The following KCNN3 variants were observed in gnomAD, a reference collection of about 807,000 sequenced individuals.
The protein encoded by KCNN3 is potassium calcium-activated channel subfamily N member 3, also known as small conductance calcium-activated potassium channel protein 3.
A neutral mutation model predicts 62.9 loss-of-function variants in KCNN3; 16 were observed. The observed-to-expected ratio is 0.25, with a 90% CI of 0.17 to 0.39. The LOEUF (loss-of-function observed/expected upper bound fraction) is 0.39, where lower values mean the gene tolerates loss of function less well. KCNN3 is among the 10% of genes least tolerant of loss of function. The pLI is 1.00. For missense variants in KCNN3, 599 were observed against 949.4 expected (o/e 0.63, Z 4.85); for synonymous variants, 370 against 389.2 (o/e 0.95, Z 0.58).
At chr1:154,805,607 G>A (rs566048709) in intron 2 of KCNN3, among the ~76,000 whole-genome samples, 16 of 152,122 alleles carry the variant, frequency 1.1e-4, no homozygotes, top group East Asian at 1.9e-4. Context: ...CGCTGTGGTC[G>A]GCTGTTTGGG....
intron 1 of KCNN3, among the ~76,000 whole-genome samples, chr1:154,831,966 C>A (rs535473917): frequency 6.6e-6 from 1 of 152,192 alleles, no homozygotes; most frequent in South Asian, 2.1e-4. Flanking sequence ...GCTGCCTTGC[C>A]CCCATCATAC....
chr1:154,712,798 T>C (rs942258032), intron 7 of KCNN3, among the ~76,000 whole-genome samples: 1 of 152,180 alleles, frequency 6.6e-6, no homozygotes, highest in Non-Finnish European at 1.5e-5. Flanking sequence ...CTGGGTGATT[T>C]GCAAGAGGAG....
rs182565566 is a variant in KCNN3, at chr1:154,786,376, A to T, written c.1030-13983T>A. Among the ~76,000 whole-genome samples the T allele has an allele frequency of 3.8e-3, 577 of 152,368 alleles. 3 individuals are homozygous for T. The highest frequency in any genetic ancestry group is 0.012 in the African/African-American group (492 of 41,588). On this transcript the variant is annotated intron_variant, in intron 2 of 7. Transcript: ENST00000271915. The stretch of plus-strand genomic sequence containing the variant: ...AAAGAACTGCTTATTATAATTTTTT[A>T]AAAAACCCTGGAAACAACCTGAATA...
At chr1:154,868,193 G>A (rs2101941064) in intron 1 of KCNN3, 1 of 985,528 alleles carries the variant, frequency 1.0e-6, no homozygotes, top group Non-Finnish European at 1.2e-6. Context: ...CTGTCATCCC[G>A]TCCCAAGGAG....
chr1:154,747,781 C>T (rs1050857895), intron 3 of KCNN3, among the ~76,000 whole-genome samples: 3 of 152,190 alleles, frequency 2.0e-5, no homozygotes, highest in African/African-American at 2.4e-5. Flanking sequence ...GAAAAAGGCC[C>T]GTGCCTGCTC....
intron 3 of KCNN3, among the ~76,000 whole-genome samples, chr1:154,742,197 C>A (rs1214603308): frequency 6.6e-6 from 1 of 152,250 alleles, no homozygotes; most frequent in Non-Finnish European, 1.5e-5. Flanking sequence ...CTGATGCCTT[C>A]TAACTGGCCC....
At position 154,869,546 on chromosome 1, in the gene KCNN3, G is replaced by T; in HGVS notation, c.419C>A (p.Ser140Tyr). 1 of 1,614,158 alleles carries T rather than the reference G, an allele frequency of 6.2e-7. No individual in the cohort carries two copies. Among genetic ancestry groups the T allele is most frequent in the Non-Finnish European group, 8.5e-7 (1 of 1,180,026 alleles). Residue 140 changes from serine (S) to tyrosine (Y), a missense_variant, in exon 1 of 8, where the codon TCT (serine) becomes TAT (tyrosine). Physicochemically the swap from Ser to Tyr is moderately radical, Grantham distance 144. This residue lies in a region of KCNN3 where 112 missense variants were observed against 142.9 expected (regional missense o/e 0.78). Coordinates refer to ENST00000271915, the MANE Select transcript of KCNN3 (RefSeq NM_002249.6). The surrounding 1 kb of genome is among the most constrained non-coding windows in gnomAD (Gnocchi z 6.1). ...CCCACTTGTAGCTGTGGAACTTGGAGAGTGGCCAAGCAAGTGGTCATTGAG... is the reference window on the plus strand; with the variant it reads ...CCCACTTGTAGCTGTGGAACTTGGATAGTGGCCAAGCAAGTGGTCATTGAG... Reference protein sequence around the residue: ...LNLNDHLLGHSPSSTATSGPG... With the variant: ...LNLNDHLLGHYPSSTATSGPG...
At chr1:154,732,705 G>T (rs1361644092) in intron 4 of KCNN3, among the ~76,000 whole-genome samples, 1 of 152,190 alleles carries the variant, frequency 6.6e-6, no homozygotes, top group Non-Finnish European at 1.5e-5. Flanking sequence ...AGTGGGGTGG[G>T]CATCAGAGCA....
chr1:154,732,802 C>T (rs1161676836), intron 4 of KCNN3, among the ~76,000 whole-genome samples: 2 of 152,176 alleles, frequency 1.3e-5, no homozygotes, highest in African/African-American at 2.4e-5. Context: ...TCATTCTTAC[C>T]TTAGAAAAGT....
intron 1 of KCNN3, among the ~76,000 whole-genome samples, chr1:154,867,600 T>C (rs1553241854): frequency 6.6e-6 from 1 of 151,936 alleles, no homozygotes; most frequent in East Asian, 1.9e-4. Context: ...TTTTTGCGGC[T>C]GGATTTCAAT....
intron 1 of KCNN3, among the ~76,000 whole-genome samples, chr1:154,841,646 C>A (rs540887019): frequency 6.6e-6 from 1 of 152,258 alleles, no homozygotes; most frequent in Non-Finnish European, 1.5e-5. Flanking sequence ...CACAGAGCCC[C>A]CCTCACTCCA....
chr1:154,820,059 C>T (rs1280666800), intron 2 of KCNN3, among the ~76,000 whole-genome samples: 1 of 152,246 alleles, frequency 6.6e-6, no homozygotes, highest in African/African-American at 2.4e-5. Flanking sequence ...AAATGAATGA[C>T]CCCCAATAGC....
intron 2 of KCNN3, among the ~76,000 whole-genome samples, chr1:154,792,986 C>G (rs1458871873): frequency 2.0e-5 from 3 of 152,154 alleles, no homozygotes; most frequent in Non-Finnish European, 4.4e-5. Context: ...AGGGGAGTTC[C>G]TTTAGTTGTG....
chr1:154,777,253 G>A (rs969523956), intron 2 of KCNN3, among the ~76,000 whole-genome samples: 4 of 151,874 alleles, frequency 2.6e-5, no homozygotes, highest in African/African-American at 4.8e-5. Context: ...CTGTGTTCTC[G>A]GTGCACCTGA....
intron 4 of KCNN3, among the ~76,000 whole-genome samples, chr1:154,727,296 G>A (rs1700491095): frequency 6.6e-6 from 1 of 152,222 alleles, no homozygotes; most frequent in Non-Finnish European, 1.5e-5. Flanking sequence ...GTCCCAGAAT[G>A]GAAGGAATCT....
In KCNN3 at chr1:154,703,743, A is replaced by T. The variant is rs1329604561; in HGVS notation, c.*4233T>A. The T allele has an allele frequency of 6.6e-6, 1 of 152,180 alleles. No individual in the cohort carries two copies. Among genetic ancestry groups the T allele is most frequent in the Non-Finnish European group, 1.5e-5 (1 of 68,042 alleles). 9.4% of individuals were successfully genotyped at this position (152,180 alleles called of 1,614,324 possible). On this transcript the variant is annotated 3_prime_UTR_variant, in exon 8 of 8. Transcript: ENST00000271915. Reference sequence around the variant, plus strand: ...ATTTCTCCCTGCTGATTTTACCACTATTTAATGTGCACTAATTACTTTTTG... The same window carrying T: ...ATTTCTCCCTGCTGATTTTACCACTTTTTAATGTGCACTAATTACTTTTTG...
At chr1:154,815,281 G>A (rs957528365) in intron 2 of KCNN3, among the ~76,000 whole-genome samples, 2 of 152,132 alleles carry the variant, frequency 1.3e-5, no homozygotes, top group Non-Finnish European at 2.9e-5. Flanking sequence ...GGGGGGTTTG[G>A]GCAGCCTCCA....
intron 1 of KCNN3, among the ~76,000 whole-genome samples, chr1:154,838,600 T>G (rs1651699438): frequency 6.6e-6 from 1 of 152,222 alleles, no homozygotes; most frequent in Admixed American, 6.5e-5. Context: ...ACAACCTCCC[T>G]GCCTTAGCCT....
chr1:154,816,107 T>C (rs1382414756), intron 2 of KCNN3, among the ~76,000 whole-genome samples: 1 of 152,232 alleles, frequency 6.6e-6, no homozygotes, highest in Non-Finnish European at 1.5e-5. Flanking sequence ...TCCACTTTTA[T>C]ATACCTAATA....
Sources: allele counts gnomAD v4.1 joint callset (sites outside exome capture counted in the v4.1 genomes callset), GRCh38; gene constraint gnomAD v4.1.1; regional missense constraint gnomAD v4.1.1; non-coding constraint Gnocchi (gnomAD v3.1); transcripts MANE v1.5; gene names NCBI Gene and HGNC (gene_info 2026-07-23, HGNC 2026-07-21).